The following SMCO4 variants were observed in gnomAD, a reference collection of about 807,000 sequenced individuals.
SMCO4 encodes single-pass membrane protein with coiled-coil domains 4.
Under a neutral mutation model 3.6 loss-of-function variants are expected in SMCO4, and 4 were observed. That is an observed-to-expected ratio of 1.11 (90% CI 0.54 to 2.53). The LOEUF (loss-of-function observed/expected upper bound fraction) is 2.53. SMCO4 is among the 30% of genes most tolerant of loss of function. SMCO4 has a pLI of 0.02. For synonymous variants in SMCO4, 36 were observed against 35.3 expected, an observed-to-expected ratio of 1.02 and a Z score of -0.07; for missense variants, 70 against 80.8, an observed-to-expected ratio of 0.87 and a Z score of 0.51.
At chr11:93,532,151 G>C (rs528590852) in intron 1 of SMCO4, among the ~76,000 whole-genome samples, 1 of 142,918 alleles carries the variant, frequency 7.0e-6, no homozygotes, top group Non-Finnish European at 1.6e-5. Flanking sequence ...ATTGAGACCT[G>C]TCTCAGATAT....
intron 1 of SMCO4, among the ~76,000 whole-genome samples, chr11:93,542,464 C>G (rs1458308797): frequency 6.6e-6 from 1 of 152,190 alleles, no homozygotes; most frequent in African/African-American, 2.4e-5. Flanking sequence ...TGGAACACCC[C>G]AAACATCTCA....
In SMCO4 at chr11:93,478,786, G is replaced by A. The variant is rs1948551258; in HGVS notation, c.*224C>T. ...GCGCTTTGAAGTCTGAAAGGCACAT[G>A]AAGTGGACCATAAGGTGTATGGCAC... On this transcript the variant is annotated 3_prime_UTR_variant, in exon 3 of 3. Coordinates refer to ENST00000298966, the MANE Select transcript of SMCO4 (RefSeq NM_020179.3). 7.7e-7 allele frequency: 1 copy of A among 1,299,534 alleles called. No individual in the cohort carries two copies. The highest frequency in any genetic ancestry group is 9.9e-7 in the Non-Finnish European group (1 of 1,008,524). 80.5% of individuals were successfully genotyped at this position (1,299,534 alleles called of 1,614,324 possible).
At chr11:93,513,238 C>T (rs78413529) in intron 1 of SMCO4, among the ~76,000 whole-genome samples, 3,600 of 152,224 alleles carry the variant, frequency 0.024, 111 homozygotes, top group East Asian at 0.072. Flanking sequence ...ACCTACTATA[C>T]AGGTTGTTGT....
At chr11:93,490,783 C>T (rs1223374984) in intron 2 of SMCO4, among the ~76,000 whole-genome samples, 7 of 152,156 alleles carry the variant, frequency 4.6e-5, no homozygotes, top group Non-Finnish European at 1.0e-4. Flanking sequence ...TAAACCAATG[C>T]GTAGAAATTA....
chr11:93,533,442 G>A (rs1326316459), intron 1 of SMCO4, among the ~76,000 whole-genome samples: 3 of 152,184 alleles, frequency 2.0e-5, no homozygotes, highest in Admixed American at 6.5e-5. Flanking sequence ...GGCAGTGCAG[G>A]GAAGAAGGGA....
chr11:93,510,411 T>C (rs1948946656), intron 1 of SMCO4, among the ~76,000 whole-genome samples: 1 of 152,146 alleles, frequency 6.6e-6, no homozygotes, highest in Non-Finnish European at 1.5e-5. Context: ...AAGGCCTGGA[T>C]CTAAGTGGAA....
At chr11:93,517,521 C>T (rs1365285017) in intron 1 of SMCO4, among the ~76,000 whole-genome samples, 2 of 152,158 alleles carry the variant, frequency 1.3e-5, no homozygotes, top group African/African-American at 4.8e-5. Context: ...AAAGGTCTAA[C>T]CCAAACCTAG....
rs569763028 is a variant in SMCO4 at position 93,543,061 on chromosome 11, C to G, written c.-154+215G>C. On this transcript the variant is annotated intron_variant, in intron 1 of 2. Coordinates refer to ENST00000298966, the MANE Select transcript of SMCO4 (RefSeq NM_020179.3). Reference sequence around the variant, plus strand: ...GCGACGGGCAGGCGAGCTCGAGTCCCTCGGGCCCCCAACCCCGCCCGCACG... The same window carrying G: ...GCGACGGGCAGGCGAGCTCGAGTCCGTCGGGCCCCCAACCCCGCCCGCACG... Among the ~76,000 whole-genome samples, 529 of 151,942 alleles carry G rather than the reference C, an allele frequency of 3.5e-3. 5 individuals are homozygous for G. The highest frequency in any genetic ancestry group is 0.012 in the African/African-American group (503 of 41,526).
At chr11:93,519,521 T>C (rs970515806) in intron 1 of SMCO4, among the ~76,000 whole-genome samples, 2 of 152,208 alleles carry the variant, frequency 1.3e-5, no homozygotes, top group East Asian at 1.9e-4. Flanking sequence ...AAAACATCAA[T>C]GGCAGACCAG....
Position 93,505,820 on chromosome 11 carries a change from C to A in SMCO4, c.-153-6472G>T, listed in dbSNP as rs114213710. 8.8e-3 allele frequency among the ~76,000 whole-genome samples: 1,342 copies of A among 151,896 alleles called. 18 individuals are homozygous for A. Among genetic ancestry groups the A allele is most frequent in the African/African-American group, 0.03 (1,229 of 41,374 alleles). Reference sequence around the variant, plus strand: ...ATGGGAAATACTAACCTAAACTCTTCGTTTGTTAAAAAAGAAAAATGTATT... The same window carrying A: ...ATGGGAAATACTAACCTAAACTCTTAGTTTGTTAAAAAAGAAAAATGTATT... On this transcript the variant is annotated intron_variant, in intron 1 of 2. Transcript: ENST00000298966.
intron 2 of SMCO4, chr11:93,481,376 G>A (rs556767832): frequency 2.1e-6 from 2 of 968,352 alleles, no homozygotes; most frequent in African/African-American, 3.5e-5. Context: ...GGGCGGCCCA[G>A]GGACGGGTGC....
chr11:93,482,358 C>T (rs1324865215), intron 2 of SMCO4, among the ~76,000 whole-genome samples: 1 of 152,196 alleles, frequency 6.6e-6, no homozygotes, highest in African/African-American at 2.4e-5. Flanking sequence ...ATTGAGTGCT[C>T]TGCATGTGAG....
At chr11:93,479,560 G>A (rs1948566836) in intron 2 of SMCO4, among the ~76,000 whole-genome samples, 1 of 152,170 alleles carries the variant, frequency 6.6e-6, no homozygotes, top group Admixed American at 6.5e-5. Context: ...GAAAGGATTG[G>A]GAAGCACCAA....
intron 1 of SMCO4, among the ~76,000 whole-genome samples, chr11:93,503,894 T>C (rs1404594894): frequency 6.6e-6 from 1 of 152,200 alleles, no homozygotes; most frequent in Non-Finnish European, 1.5e-5. Context: ...AGGAAACTAA[T>C]ACAAGTCCAT....
rs148462986 is a variant in SMCO4 at position 93,514,374 on chromosome 11, C to CTATATATATATA, written c.-153-15038_-153-15027dup. Among the ~76,000 whole-genome samples, 57 of 39,040 alleles carry CTATATATATATA rather than the reference C, an allele frequency of 1.5e-3. 2 individuals are homozygous for CTATATATATATA. The highest frequency in any genetic ancestry group is 2.6e-3 in the Non-Finnish European group (40 of 15,576). The allele number at this position is 39,040 out of a possible 152,430, so 25.6% of individuals were successfully genotyped here. ...AAAGGAAAAATAAAACAGGATGAGG[C>CTATATATATATA]TATATATATATATATATATATATAT... On this transcript the variant is annotated intron_variant, in intron 1 of 2. Coordinates refer to ENST00000298966, the MANE Select transcript of SMCO4 (RefSeq NM_020179.3).
chr11:93,495,132 A>G (rs1260781852), intron 2 of SMCO4, among the ~76,000 whole-genome samples: 1 of 151,970 alleles, frequency 6.6e-6, no homozygotes, highest in Non-Finnish European at 1.5e-5. Context: ...GGTACTTGGC[A>G]TCTCTTTCAA....
chr11:93,553,113 G>C, the SMCO4 span, among the ~76,000 whole-genome samples: 1 of 152,216 alleles, frequency 6.6e-6, no homozygotes, highest in South Asian at 2.1e-4. Context: ...TGGTTCCAAA[G>C]TCCATTTCTG....
the SMCO4 span, among the ~76,000 whole-genome samples, chr11:93,550,897 T>C: frequency 6.6e-4 from 100 of 152,202 alleles, no homozygotes; most frequent in African/African-American, 2.4e-3. Context: ...TAGTGACTCA[T>C]ATACCAGCTG....
upstream of SMCO4, among the ~76,000 whole-genome samples, chr11:93,545,614 G>GAC (rs1949311113): frequency 1.4e-5 from 2 of 144,034 alleles, no homozygotes; most frequent in East Asian, 4.0e-4. Flanking sequence ...AAAAAAGAGA[G>GAC]AGAGAGAGAA....
Sources: gnomAD v4.1 joint callset for allele counts (sites outside exome capture counted in the v4.1 genomes callset) on GRCh38, gnomAD v4.1.1 for gene constraint, MANE v1.5 for transcripts, NCBI Gene and HGNC (gene_info 2026-07-23, HGNC 2026-07-21) for gene names.